Variants in SORCS2 observed in about 807,000 individuals in gnomAD.
SORCS2 encodes VPS10 domain-containing receptor SorCS2.
SORCS2 carries 100 observed loss-of-function variants against 141.6 expected under a neutral mutation model. That is an observed-to-expected ratio of 0.71 (90% CI 0.60 to 0.83). The LOEUF (loss-of-function observed/expected upper bound fraction) is 0.83, where lower values mean the gene tolerates loss of function less well. Ranked by LOEUF, SORCS2 falls within the 40% of genes least tolerant of loss-of-function variation. SORCS2 has a pLI of 0.00. For missense variants in SORCS2, 1,646 were observed against 1,560.2 expected (o/e 1.05, Z -0.93); for synonymous variants, 789 against 676.9 (o/e 1.17, Z -2.57).
In SORCS2 at chr4:7,661,499, G is replaced by C; in HGVS notation, c.888-1G>C. The C allele has an allele frequency of 6.4e-7, 1 of 1,551,670 alleles. No individual in the cohort carries two copies. Among genetic ancestry groups the C allele is most frequent in the Non-Finnish European group, 8.7e-7 (1 of 1,146,980 alleles). On this transcript the variant is annotated splice_acceptor_variant, in intron 5 of 26. Coordinates refer to ENST00000507866, the MANE Select transcript of SORCS2 (RefSeq NM_020777.3). LOFTEE classifies it high-confidence loss of function. ...CCCCAGCCTCAGCTCTTCTTTTCCA[G>C]GTCTGTGTCTGGGGTGGACGCTGAC...
chr4:7,452,154 T>G (rs1352111530), intron 2 of SORCS2, among the ~76,000 whole-genome samples: 1 of 151,928 alleles, frequency 6.6e-6, no homozygotes, highest in Non-Finnish European at 1.5e-5. Context: ...TCTTTTTTTT[T>G]TTTTGAGATG....
intron 1 of SORCS2, among the ~76,000 whole-genome samples, chr4:7,302,499 G>A (rs1717498122): frequency 1.3e-5 from 2 of 152,216 alleles, no homozygotes; most frequent in African/African-American, 2.4e-5. Flanking sequence ...CCCCTCCTTC[G>A]GGAGCTGCAC....
At chr4:7,600,646 CAT>C (rs149420456) in intron 3 of SORCS2, among the ~76,000 whole-genome samples, 2,610 of 113,826 alleles carry the variant, frequency 0.023, 23 homozygotes, top group African/African-American at 0.036. Flanking sequence ...TTACGATATA[CAT>C]ATATATATAC....
chr4:7,428,627 G>A (rs1447245915), intron 2 of SORCS2, among the ~76,000 whole-genome samples: 2 of 152,172 alleles, frequency 1.3e-5, no homozygotes, highest in African/African-American at 4.8e-5. Flanking sequence ...GAGGGACTGA[G>A]AGGAGCATGT....
At chr4:7,698,522 T>A (rs1196858517) in intron 12 of SORCS2, among the ~76,000 whole-genome samples, 1 of 152,264 alleles carries the variant, frequency 6.6e-6, no homozygotes, top group Non-Finnish European at 1.5e-5. Context: ...GTCACATCTG[T>A]CCATTTATTA....
intron 19 of SORCS2, among the ~76,000 whole-genome samples, 200 bp from the exon 20 acceptor site, chr4:7,724,952 GTT>G (rs1727092004): frequency 7.8e-6 from 1 of 127,486 alleles, no homozygotes; most frequent in African/African-American, 3.0e-5. Flanking sequence ...TGGTGGTGGT[GTT>G]GGTGATGGTG....
At chr4:7,485,139 C>T (rs1048816919) in intron 2 of SORCS2, among the ~76,000 whole-genome samples, 2 of 152,196 alleles carry the variant, frequency 1.3e-5, no homozygotes, top group Non-Finnish European at 2.9e-5. Context: ...ACGGCACACA[C>T]TCCCACTTTC....
intron 20 of SORCS2, among the ~76,000 whole-genome samples, chr4:7,726,080 A>G (rs1228937205): frequency 6.6e-6 from 1 of 152,132 alleles, no homozygotes; most frequent in African/African-American, 2.4e-5. Context: ...CTGCGGCAAC[A>G]TGGCGCCCAC....
At chr4:7,229,674 G>T (rs187735455) in intron 1 of SORCS2, among the ~76,000 whole-genome samples, 2 of 152,264 alleles carry the variant, frequency 1.3e-5, no homozygotes, top group Non-Finnish European at 2.9e-5. Context: ...TGTCACGGTC[G>T]TGGGTGTTCC....
intron 3 of SORCS2, among the ~76,000 whole-genome samples, chr4:7,580,894 C>T (rs1482235862): frequency 6.6e-6 from 1 of 151,898 alleles, no homozygotes; most frequent in East Asian, 1.9e-4. Context: ...GAGGCCTCCC[C>T]CAAATTATAA....
At chr4:7,315,553 A>G (rs1337400958) in intron 1 of SORCS2, among the ~76,000 whole-genome samples, 1 of 152,200 alleles carries the variant, frequency 6.6e-6, no homozygotes, top group African/African-American at 2.4e-5. Context: ...GACACAGACC[A>G]GGAACGTGAG....
chr4:7,737,395 CAT>C (rs1480758785), intron 26 of SORCS2, among the ~76,000 whole-genome samples: 1 of 152,088 alleles, frequency 6.6e-6, no homozygotes, highest in African/African-American at 2.4e-5. Context: ...AAATCTGAGA[CAT>C]GTGGACGCTG....
chr4:7,647,286 C>T (rs997735147), intron 4 of SORCS2, among the ~76,000 whole-genome samples: 1 of 152,200 alleles, frequency 6.6e-6, no homozygotes. Context: ...ATCGTGGGTG[C>T]TTTCTCCATG....
Position 7,270,924 on chromosome 4 carries a change from C to T in SORCS2, c.480+77798C>T, listed in dbSNP as rs978054472. 5.9e-5 allele frequency among the ~76,000 whole-genome samples: 9 copies of T among 152,252 alleles called. No homozygotes were observed. The East Asian group carries it at 9.6e-4, about 16-fold the overall frequency. The stretch of plus-strand genomic sequence containing the variant: ...GGATACTTACGTTCTCTCCAGTTCT[C>T]GCTTGTTCGTTTGTTGGTTCATCCA... On this transcript the variant is annotated intron_variant, in intron 1 of 26. Coordinates refer to ENST00000507866, the MANE Select transcript of SORCS2 (RefSeq NM_020777.3).
intron 2 of SORCS2, among the ~76,000 whole-genome samples, chr4:7,452,913 T>C (rs185145375): frequency 0.01 from 1,338 of 130,140 alleles, 11 homozygotes; most frequent in Middle Eastern, 0.02. Flanking sequence ...GGTCAGGTGC[T>C]GTGTTGAGGT....
chr4:7,489,610 A>G (rs949657674), intron 2 of SORCS2, among the ~76,000 whole-genome samples: 3 of 152,080 alleles, frequency 2.0e-5, no homozygotes, highest in African/African-American at 7.2e-5. Flanking sequence ...TCTAATGCAA[A>G]CAAGGTGACA....
intron 17 of SORCS2, among the ~76,000 whole-genome samples, chr4:7,716,666 A>G (rs1047935392): frequency 7.0e-6 from 1 of 142,264 alleles, no homozygotes; most frequent in African/African-American, 2.6e-5. Flanking sequence ...TCCACCATCT[A>G]TCTATTCATT....
intron 2 of SORCS2, chr4:7,435,090 C>G: frequency 1.7e-6 from 1 of 585,988 alleles, no homozygotes; most frequent in Non-Finnish European, 2.9e-6. Context: ...CTCTTTTCCC[C>G]TGGATAAGAT....
In SORCS2 at chr4:7,654,221, C is replaced by T. The variant is rs760034405; in HGVS notation, c.887+14C>T. 3 of 1,566,764 alleles carry T rather than the reference C, an allele frequency of 1.9e-6. No individual in the cohort carries two copies. Among genetic ancestry groups the T allele is most frequent in the Non-Finnish European group, 2.6e-6 (3 of 1,154,340 alleles). On this transcript the variant is annotated intron_variant, in intron 5 of 26. Coordinates refer to ENST00000507866, the MANE Select transcript of SORCS2 (RefSeq NM_020777.3). ...CCACGTGTTCTGGTGAGAGCACTTCCCCACCCCAAACCCATGGGGCCCGCA... is the reference window on the plus strand; with the variant it reads ...CCACGTGTTCTGGTGAGAGCACTTCTCCACCCCAAACCCATGGGGCCCGCA...
Sources: allele counts gnomAD v4.1 joint callset (sites outside exome capture counted in the v4.1 genomes callset), GRCh38; gene constraint gnomAD v4.1.1; transcripts MANE v1.5; gene names NCBI Gene and HGNC (gene_info 2026-07-23, HGNC 2026-07-21).